ANKS1B: variants seen among roughly 807,000 people sequenced by gnomAD.
ANKS1B encodes ankyrin repeat and sterile alpha motif domain-containing protein 1B.
Under a neutral mutation model 148.3 loss-of-function variants are expected in ANKS1B, and 36 were observed. The observed-to-expected ratio is 0.24, with a 90% CI of 0.19 to 0.32. ANKS1B has a LOEUF of 0.32. Ranked by LOEUF, ANKS1B falls within the 10% of genes least tolerant of loss-of-function variation. The pLI is 1.00. For missense variants in ANKS1B, 1,157 were observed against 1,542.6 expected (o/e 0.75, Z 4.19); for synonymous variants, 542 against 560.8 (o/e 0.97, Z 0.47).
chr12:98,970,670 G>A (rs952198), intron 17 of ANKS1B, among the ~76,000 whole-genome samples: 45,566 of 151,722 alleles, frequency 0.3, 7,673 homozygotes, highest in African/African-American at 0.46. Context: ...CTCATCCTCA[G>A]TGACTCTAAT....
chr12:99,984,380 CCAGGCAGGGAG>C lies in ANKS1B; in HGVS notation c.-154_-144del. 6 of 638,162 alleles carry C rather than the reference CCAGGCAGGGAG, an allele frequency of 9.4e-6. No homozygotes were observed. Among genetic ancestry groups the C allele is most frequent in the East Asian group, 3.1e-5 (1 of 32,246 alleles). The allele number at this position is 638,162 out of a possible 1,614,324, so 39.5% of individuals were successfully genotyped here. A position where few individuals can be genotyped will look rare whatever the true frequency, so the allele number is the denominator to read the frequency against. Reference sequence around the variant, plus strand: ...TCAGCACGGAGAGCTCCCTGCAGCCCCAGGCAGGGAGCACGACTCTCTCCTCCTCTTCGGGG... The same window carrying C: ...TCAGCACGGAGAGCTCCCTGCAGCCCCACGACTCTCTCCTCCTCTTCGGGG... On this transcript the variant is annotated 5_prime_UTR_variant, in exon 1 of 27. Coordinates refer to ENST00000683438, the MANE Select transcript of ANKS1B (RefSeq NM_001352186.2).
At chr12:99,725,131 G>T (rs1434351800) in intron 8 of ANKS1B, among the ~76,000 whole-genome samples, 4 of 152,164 alleles carry the variant, frequency 2.6e-5, no homozygotes, top group African/African-American at 9.7e-5. Flanking sequence ...GTATCATGAT[G>T]ACAGGATCAA....
chr12:99,342,035 C>T (rs571982134), intron 12 of ANKS1B, among the ~76,000 whole-genome samples: 10 of 152,138 alleles, frequency 6.6e-5, no homozygotes, highest in African/African-American at 2.2e-4. Flanking sequence ...TCATTCAAGA[C>T]TTTTAATTAA....
At chr12:98,781,008 A>G in intron 24 of ANKS1B, 109 bp downstream of exon 24, 1 of 657,086 alleles carries the variant, frequency 1.5e-6, no homozygotes, top group Non-Finnish European at 2.6e-6. Flanking sequence ...GTTGGGGGAA[A>G]GGGATGATTA....
intron 15 of ANKS1B, among the ~76,000 whole-genome samples, chr12:99,122,894 G>A (rs563496113): frequency 1.3e-5 from 2 of 151,588 alleles, no homozygotes; most frequent in African/African-American, 2.4e-5. Context: ...TTGCCAAGGC[G>A]ACTTGTTCAT....
intron 8 of ANKS1B, among the ~76,000 whole-genome samples, chr12:99,683,072 C>A (rs978063373): frequency 6.6e-6 from 1 of 152,042 alleles, no homozygotes; most frequent in African/African-American, 2.4e-5. Flanking sequence ...CTTATGTAAC[C>A]ACCAGGTCTC....
intron 14 of ANKS1B, among the ~76,000 whole-genome samples, chr12:99,234,251 A>G (rs933777852): frequency 6.6e-6 from 1 of 152,122 alleles, no homozygotes; most frequent in African/African-American, 2.4e-5. Context: ...CCCAATTGTC[A>G]AGCAAAAGCA....
chr12:99,884,935 A>G (rs2092742159), intron 1 of ANKS1B, among the ~76,000 whole-genome samples: 1 of 152,132 alleles, frequency 6.6e-6, no homozygotes, highest in Non-Finnish European at 1.5e-5. Flanking sequence ...ATTTAAAAAA[A>G]AAAACAAAGA....
intron 1 of ANKS1B, among the ~76,000 whole-genome samples, chr12:99,882,374 A>T (rs188075908): frequency 3.3e-4 from 51 of 152,348 alleles, no homozygotes; most frequent in African/African-American, 1.1e-3. Flanking sequence ...AAAACTGACC[A>T]AATTTGCCAA....
At chr12:99,374,158 AT>A (rs1252709222) in intron 12 of ANKS1B, among the ~76,000 whole-genome samples, 2 of 152,218 alleles carry the variant, frequency 1.3e-5, no homozygotes, top group African/African-American at 4.8e-5. Context: ...TTCCAGAAGT[AT>A]AGAGGTTCCC....
intron 25 of ANKS1B, among the ~76,000 whole-genome samples, chr12:98,758,931 C>A (rs915868696): frequency 6.7e-6 from 1 of 148,706 alleles, no homozygotes; most frequent in East Asian, 2.0e-4. Flanking sequence ...TAGGCGTGCA[C>A]GCCTGGCTAA....
intron 15 of ANKS1B, among the ~76,000 whole-genome samples, chr12:99,152,255 C>T (rs2075135731): frequency 6.6e-6 from 1 of 151,978 alleles, no homozygotes; most frequent in Non-Finnish European, 1.5e-5. Flanking sequence ...TCATGATTTG[C>T]TTCATTTTCA....
At chr12:98,929,623 CAGT>C (rs1469028426) in intron 17 of ANKS1B, among the ~76,000 whole-genome samples, 1 of 148,606 alleles carries the variant, frequency 6.7e-6, no homozygotes, top group Non-Finnish European at 1.5e-5. Context: ...TTTATATTTT[CAGT>C]AGTTCAGTAG....
intron 12 of ANKS1B, among the ~76,000 whole-genome samples, chr12:99,301,364 G>C (rs552794440): frequency 3.3e-5 from 5 of 151,594 alleles, no homozygotes; most frequent in African/African-American, 1.2e-4. Context: ...TTACACCAGA[G>C]GAAAAAAGAA....
intron 10 of ANKS1B, among the ~76,000 whole-genome samples, chr12:99,451,120 T>G (rs1449405282): frequency 6.6e-6 from 1 of 152,222 alleles, no homozygotes; most frequent in Non-Finnish European, 1.5e-5. Context: ...TAGGGAAAAC[T>G]GCAAAATATA....
rs1004948537 is a variant in ANKS1B, at chr12:99,465,028, A to C, written c.1439-21219T>G. On this transcript the variant is annotated intron_variant, in intron 10 of 26. Coordinates refer to ENST00000683438, the MANE Select transcript of ANKS1B (RefSeq NM_001352186.2). ...AGTTGAAATGAAGGAAAAAGTGTTAAGGGCAGCCAGAGAGAAAGGTCGGGT... is the reference window on the plus strand; with the variant it reads ...AGTTGAAATGAAGGAAAAAGTGTTACGGGCAGCCAGAGAGAAAGGTCGGGT... 1.1e-4 allele frequency among the ~76,000 whole-genome samples: 16 copies of C among 152,354 alleles called. No individual in the cohort carries two copies. The East Asian group carries it at 2.1e-3, about 20-fold the overall frequency.
chr12:99,759,626 T>C (rs1022925330), intron 8 of ANKS1B, among the ~76,000 whole-genome samples: 4 of 151,966 alleles, frequency 2.6e-5, no homozygotes, highest in Admixed American at 6.6e-5. Context: ...GGCAGCAAAA[T>C]GGATTTTTTT....
intron 9 of ANKS1B, chr12:99,648,489 G>C (rs1445948682): frequency 6.2e-7 from 1 of 1,614,154 alleles, no homozygotes. Flanking sequence ...CTGCCACCCA[G>C]AAAAGAGAAA....
intron 1 of ANKS1B, among the ~76,000 whole-genome samples, chr12:99,953,748 G>C (rs1198450864): frequency 2.6e-5 from 4 of 152,238 alleles, no homozygotes. Flanking sequence ...CTTAGAAAAG[G>C]GGAAGGCATT....
Sources: allele counts gnomAD v4.1 joint callset (sites outside exome capture counted in the v4.1 genomes callset), GRCh38; gene constraint gnomAD v4.1.1; transcripts MANE v1.5; gene names NCBI Gene and HGNC (gene_info 2026-07-23, HGNC 2026-07-21).